Variants in CNTLN observed in about 807,000 individuals in gnomAD.
The protein encoded by CNTLN is centlein.
A neutral mutation model predicts 180.0 loss-of-function variants in CNTLN; 212 were observed. The observed-to-expected ratio is 1.18, with a 90% confidence interval of 1.05 to 1.32. The LOEUF is 1.32. CNTLN is among the 40% of genes most tolerant of loss of function. The pLI is 0.00. For synonymous variants in CNTLN, 722 were observed against 563.1 expected (o/e 1.28, Z -3.99); for missense variants, 2,095 against 1,610.9 (o/e 1.30, Z -5.14).
At chr9:17,470,172 TTACA>T (rs768898620) in intron 23 of CNTLN, among the ~76,000 whole-genome samples, 3 of 151,930 alleles carry the variant, frequency 2.0e-5, no homozygotes, top group Non-Finnish European at 4.4e-5. Flanking sequence ...CAGGGTATTG[TTACA>T]TAACAGGGCT....
chr9:17,149,386 T>C (rs1818684241), intron 2 of CNTLN, among the ~76,000 whole-genome samples: 1 of 152,114 alleles, frequency 6.6e-6, no homozygotes, highest in South Asian at 2.1e-4. Context: ...CCTTGAGGAA[T>C]CGCCACACTA....
chr9:17,443,571 T>C (rs1830232057), intron 18 of CNTLN, among the ~76,000 whole-genome samples: 3 of 152,178 alleles, frequency 2.0e-5, no homozygotes. Flanking sequence ...TTATTCAGGA[T>C]AGTGATTATT....
intron 2 of CNTLN, among the ~76,000 whole-genome samples, chr9:17,177,743 G>C (rs143622649): frequency 6.6e-6 from 1 of 152,064 alleles, no homozygotes; most frequent in Non-Finnish European, 1.5e-5. Flanking sequence ...GCAGACCTTC[G>C]CGGTGAGTGT....
At position 17,394,994 on chromosome 9, in the gene CNTLN, A is replaced by G. The variant is rs373761923; in HGVS notation, c.2540A>G (p.Asn847Ser). 2 of 1,613,604 alleles carry G rather than the reference A, an allele frequency of 1.2e-6. No homozygotes were observed. Among genetic ancestry groups the G allele is most frequent in the Non-Finnish European group, 8.5e-7 (1 of 1,179,692 alleles). Reference protein sequence around the residue: ...CSVGRHHTVLNHSIKVMSNVF... With the variant: ...CSVGRHHTVLSHSIKVMSNVF... ...GTGGGTCGTCACCACACTGTTCTCA[A>G]TCATTCCATCAAGGTTATGAGCAAT... Residue 847 changes from asparagine (N) to serine (S), a missense_variant, in exon 15 of 26, where the codon AAT (asparagine) becomes AGT (serine). Physicochemically the swap from Asn to Ser is conservative, Grantham distance 46 (BLOSUM62 1). Transcript: ENST00000380647.
chr9:17,153,970 C>T (rs562646714), intron 2 of CNTLN, among the ~76,000 whole-genome samples: 27 of 152,232 alleles, frequency 1.8e-4, no homozygotes, highest in African/African-American at 4.6e-4. Flanking sequence ...GTGTAGTCTT[C>T]GCAAAGTTCT....
chr9:17,155,609 C>A (rs990818026), intron 2 of CNTLN, among the ~76,000 whole-genome samples: 7 of 152,140 alleles, frequency 4.6e-5, no homozygotes, highest in Admixed American at 4.6e-4. Context: ...GACGCCCTTC[C>A]CCCACCAACC....
At chr9:17,198,932 A>G (rs1028287686) in intron 2 of CNTLN, among the ~76,000 whole-genome samples, 3 of 152,096 alleles carry the variant, frequency 2.0e-5, no homozygotes, top group Admixed American at 6.5e-5. Context: ...TGTATCATTG[A>G]TGTGCATTTA....
intron 2 of CNTLN, among the ~76,000 whole-genome samples, chr9:17,220,771 T>C (rs1162095145): frequency 1.3e-5 from 2 of 152,166 alleles, no homozygotes; most frequent in Non-Finnish European, 2.9e-5. Context: ...GCAAAGGACA[T>C]GATCTTGTTC....
intron 15 of CNTLN, among the ~76,000 whole-genome samples, chr9:17,408,158 A>G (rs7041659): frequency 0.3 from 41,051 of 136,810 alleles, 6,370 homozygotes; most frequent in South Asian, 0.41. Context: ...AAAAAGACCA[A>G]GGAGATAAGG....
chr9:17,218,602 G>A (rs2132031469), intron 2 of CNTLN, among the ~76,000 whole-genome samples: 1 of 152,124 alleles, frequency 6.6e-6, no homozygotes. Flanking sequence ...TAGAAATTGG[G>A]AATTGTTTAA....
Position 17,409,291 on chromosome 9 carries a change from A to T in CNTLN, c.2616-2A>T. 1 of 1,603,678 alleles carries T rather than the reference A, an allele frequency of 6.2e-7. No homozygotes were observed. Among genetic ancestry groups the T allele is most frequent in the Non-Finnish European group, 8.5e-7 (1 of 1,177,428 alleles). On this transcript the variant is annotated splice_acceptor_variant, in intron 15 of 25. Transcript: ENST00000380647. LOFTEE classifies it high-confidence loss of function. ...TTTATGTCCCTACTTTTTTCTAAAA[A>T]GCAGTGATTCTGAAGCACAGACCTC...
intron 5 of CNTLN, among the ~76,000 whole-genome samples, chr9:17,237,360 CA>C (rs1361052100): frequency 1.4e-5 from 1 of 74,010 alleles, no homozygotes; most frequent in South Asian, 4.8e-4. Flanking sequence ...CCCCTACACA[CA>C]CACACACACA....
intron 25 of CNTLN, among the ~76,000 whole-genome samples, chr9:17,493,063 G>C (rs1833255197): frequency 1.3e-5 from 2 of 152,090 alleles, no homozygotes; most frequent in Non-Finnish European, 2.9e-5. Context: ...TGGTTGTCAA[G>C]GGCTGGTGGA....
intron 13 of CNTLN, among the ~76,000 whole-genome samples, chr9:17,381,682 C>T (rs1825266437): frequency 6.6e-6 from 1 of 152,194 alleles, no homozygotes; most frequent in South Asian, 2.1e-4. Context: ...ACCACAAAGT[C>T]TCACTAGCAT....
intron 18 of CNTLN, among the ~76,000 whole-genome samples, chr9:17,445,713 T>A (rs1172086122): frequency 2.6e-5 from 4 of 152,036 alleles, no homozygotes; most frequent in Non-Finnish European, 2.9e-5. Flanking sequence ...TTTCTCCCCA[T>A]GTGATAGTCT....
chr9:17,290,144 C>G (rs1018042477), intron 6 of CNTLN, among the ~76,000 whole-genome samples: 7 of 152,150 alleles, frequency 4.6e-5, no homozygotes, highest in Admixed American at 3.3e-4. Flanking sequence ...GTGGTTTTAT[C>G]TACTTTTGGT....
intron 18 of CNTLN, among the ~76,000 whole-genome samples, chr9:17,441,516 G>C (rs984512961): frequency 2.6e-5 from 4 of 151,350 alleles, no homozygotes; most frequent in Non-Finnish European, 4.4e-5. Flanking sequence ...TTTTATGTAA[G>C]CTCCATGGTG....
intron 2 of CNTLN, among the ~76,000 whole-genome samples, chr9:17,182,717 A>C (rs1821195679): frequency 6.6e-6 from 1 of 152,174 alleles, no homozygotes; most frequent in Non-Finnish European, 1.5e-5. Context: ...CACTTCTCTT[A>C]CCCTTATATA....
At chr9:17,225,111 G>T (rs773016428) in intron 2 of CNTLN, among the ~76,000 whole-genome samples, 15 of 151,848 alleles carry the variant, frequency 9.9e-5, no homozygotes, top group Non-Finnish European at 1.6e-4. Context: ...AGGGTGTTTT[G>T]GCTCAACTCT....
Sources: allele counts gnomAD v4.1 joint callset (sites outside exome capture counted in the v4.1 genomes callset), GRCh38; gene constraint gnomAD v4.1.1; transcripts MANE v1.5; gene names NCBI Gene and HGNC (gene_info 2026-07-23, HGNC 2026-07-21).